The following ARHGAP35 variants were observed in gnomAD, a reference collection of about 807,000 sequenced individuals.
ARHGAP35 encodes the protein rho GTPase-activating protein 35.
ARHGAP35 carries 15 observed loss-of-function variants against 111.1 expected under a neutral mutation model. The observed-to-expected ratio is 0.13, with a 90% CI of 0.09 to 0.21. The LOEUF (loss-of-function observed/expected upper bound fraction) is 0.21, where lower values mean the gene tolerates loss of function less well. Ranked by LOEUF, ARHGAP35 falls within the 10% of genes least tolerant of loss-of-function variation. The probability of loss-of-function intolerance (pLI) is 1.00; values close to 1 mark genes in which losing one functional copy is unlikely to be tolerated. For synonymous variants in ARHGAP35, 643 were observed against 710.3 expected, an observed-to-expected ratio of 0.91 and a Z score of 1.51; for missense variants, 1,262 against 1,873.0, an observed-to-expected ratio of 0.67 and a Z score of 6.02.
chr19:46,925,721 A>C (rs147907364), intron 2 of ARHGAP35, among the ~76,000 whole-genome samples: 1 of 152,328 alleles, frequency 6.6e-6, no homozygotes, highest in East Asian at 1.9e-4. Flanking sequence ...TCTGGGCTAC[A>C]GTCAACTCCA....
At chr19:46,942,214 C>G (rs10403899) in intron 3 of ARHGAP35, among the ~76,000 whole-genome samples, 3,588 of 152,316 alleles carry the variant, frequency 0.024, 148 homozygotes, top group African/African-American at 0.081. Context: ...GTGAAAACCA[C>G]CGTTAATGAT....
In ARHGAP35 at chr19:46,923,920, C is replaced by CAA. The variant is rs34789986; in HGVS notation, c.3681+1575_3681+1576dup. 4.1e-4 allele frequency among the ~76,000 whole-genome samples: 46 copies of CAA among 112,148 alleles called. 1 individual carries two copies. The East Asian group carries it at 8.3e-3, about 20-fold the overall frequency. 73.6% of individuals were successfully genotyped at this position (112,148 alleles called of 152,430 possible). A position where few individuals can be genotyped will look rare whatever the true frequency, so the allele number is the denominator to read the frequency against. On this transcript the variant is annotated intron_variant, in intron 2 of 6. Transcript: ENST00000672722. ...TGGGCAACAGAGGGAGACTCTGTCT[C>CAA]AAAAAAAAAAAAGGAAAAAGGAAAA...
At chr19:46,904,935 T>G (rs2056098753) in intron 1 of ARHGAP35, among the ~76,000 whole-genome samples, 1 of 152,108 alleles carries the variant, frequency 6.6e-6, no homozygotes, top group Non-Finnish European at 1.5e-5. Flanking sequence ...GCCAGGGCAG[T>G]GCGGGGGAGT....
intron 3 of ARHGAP35, among the ~76,000 whole-genome samples, chr19:46,965,760 C>T (rs1252177479): frequency 6.6e-6 from 1 of 152,228 alleles, no homozygotes; most frequent in Non-Finnish European, 1.5e-5. Flanking sequence ...GCTGGGATTA[C>T]AGGCGTGAAC....
At chr19:46,950,872 G>A (rs1471744439) in intron 3 of ARHGAP35, among the ~76,000 whole-genome samples, 1 of 152,206 alleles carries the variant, frequency 6.6e-6, no homozygotes, top group African/African-American at 2.4e-5. Flanking sequence ...AGAGAAGTAG[G>A]TGTCAACAAG....
At chr19:46,888,369 A>T (rs2056006784) in intron 1 of ARHGAP35, among the ~76,000 whole-genome samples, 1 of 127,140 alleles carries the variant, frequency 7.9e-6, no homozygotes, top group South Asian at 2.5e-4. Context: ...CACACACCCC[A>T]CAACAAGAAG....
intron 2 of ARHGAP35, among the ~76,000 whole-genome samples, chr19:46,930,854 C>A (rs573606840): frequency 6.6e-6 from 1 of 151,650 alleles, no homozygotes; most frequent in African/African-American, 2.4e-5. Flanking sequence ...TCATTGAGGG[C>A]GGGAGACGAC....
rs567384845 is a variant in ARHGAP35 at position 46,889,980 on chromosome 19, A to G, written c.-188-28508A>G. ...TTAAGGGGTTGGGTCAGGGGTGTCTATGATGCTTTCAGAATGAGTATATGC... is the reference window on the plus strand; with the variant it reads ...TTAAGGGGTTGGGTCAGGGGTGTCTGTGATGCTTTCAGAATGAGTATATGC... On this transcript the variant is annotated intron_variant, in intron 1 of 6. Coordinates refer to ENST00000672722, the MANE Select transcript of ARHGAP35 (RefSeq NM_004491.5). Among the ~76,000 whole-genome samples, 161 of 152,292 alleles carry G rather than the reference A, an allele frequency of 1.1e-3. 1 individual carries two copies. The highest frequency in any genetic ancestry group is 3.6e-3 in the African/African-American group (150 of 41,538).
At chr19:46,895,090 A>G (rs2056046366) in intron 1 of ARHGAP35, among the ~76,000 whole-genome samples, 1 of 151,962 alleles carries the variant, frequency 6.6e-6, no homozygotes, top group Non-Finnish European at 1.5e-5. Context: ...TTTTAAAGGT[A>G]TACTTTCTGT....
At chr19:46,990,094 T>A (rs2056672098) in intron 5 of ARHGAP35, among the ~76,000 whole-genome samples, 1 of 152,240 alleles carries the variant, frequency 6.6e-6, no homozygotes, top group South Asian at 2.1e-4. Flanking sequence ...CTTATTTTTC[T>A]TTCCCCTCTT....
At chr19:46,875,915 TAAATGTTAACACC>T (rs899409988) in intron 1 of ARHGAP35, among the ~76,000 whole-genome samples, 1 of 152,116 alleles carries the variant, frequency 6.6e-6, no homozygotes, top group Non-Finnish European at 1.5e-5. Context: ...CTCATACACC[TAAATGTTAACACC>T]AGGTCATAGG....
At chr19:46,940,310 G>T (rs918921887) in intron 3 of ARHGAP35, among the ~76,000 whole-genome samples, 1 of 148,326 alleles carries the variant, frequency 6.7e-6, no homozygotes, top group Non-Finnish European at 1.5e-5. Context: ...GGTGAGCCAA[G>T]ATCGCACCAT....
intron 3 of ARHGAP35, among the ~76,000 whole-genome samples, chr19:46,961,942 GAGAA>G (rs2122272167): frequency 6.6e-6 from 1 of 151,698 alleles, no homozygotes; most frequent in African/African-American, 2.4e-5. Context: ...AAAAGAGAGA[GAGAA>G]AGAAAGAAAA....
chr19:46,917,156 C>T (rs2056168923), intron 1 of ARHGAP35, among the ~76,000 whole-genome samples: 1 of 152,148 alleles, frequency 6.6e-6, no homozygotes, highest in African/African-American at 2.4e-5. Flanking sequence ...CTTTCCCCAG[C>T]CCCTGACAAC....
chr19:46,996,811 C>A (rs1455390213), intron 5 of ARHGAP35, among the ~76,000 whole-genome samples: 1 of 152,190 alleles, frequency 6.6e-6, no homozygotes, highest in Admixed American at 6.5e-5. Context: ...TTTATGTAAA[C>A]ATTTTATTGT....
chr19:46,888,365 C>CACACACACA (rs1568461185), intron 1 of ARHGAP35, among the ~76,000 whole-genome samples: 1 of 127,446 alleles, frequency 7.8e-6, no homozygotes, highest in African/African-American at 2.9e-5. Flanking sequence ...CACACACACA[C>CACACACACA]CCCACAACAA....
chr19:46,960,840 A>T (rs2056477152), intron 3 of ARHGAP35, among the ~76,000 whole-genome samples: 1 of 150,866 alleles, frequency 6.6e-6, no homozygotes, highest in South Asian at 2.1e-4. Context: ...TTTTCCTATA[A>T]TGATGGGCAT....
rs1427696665 is a variant in ARHGAP35, at chr19:46,919,696, C to T, written c.1021C>T (p.Leu341=). 1.9e-6 allele frequency: 3 copies of T among 1,614,028 alleles called. No individual in the cohort carries two copies. In the Admixed American group the frequency reaches 5.0e-5, roughly 27 times the overall value. Residue 341 remains leucine, a synonymous_variant, in exon 2 of 7, where the codon CTG becomes TTG. Coordinates refer to ENST00000672722, the MANE Select transcript of ARHGAP35 (RefSeq NM_004491.5). This position sits in a 1 kb window ranked among gnomAD's most constrained non-coding sequence, Gnocchi z 6.2. ...EHIERRRKLY[L]AALPLAFEAL... is the part of the protein sequence containing the mutation. ...TATCGAGCGTAGGAGAAAGCTGTAC[C>T]TGGCAGCCCTGCCATTAGCTTTTGA...
Position 46,921,421 on chromosome 19 carries a change from G to T in ARHGAP35, c.2746G>T (p.Asp916Tyr). ...TEGEEIAQEI[D>Y]GRFTSIPCSQ... ...GGGGGAGGAGATTGCTCAAGAAATT[G>T]ACGGAAGGTTCACAAGCATCCCCTG... is the stretch of plus-strand genomic sequence containing the variant. The change falls in exon 2 of 7, where the codon GAC becomes TAC. Residue 916 changes from aspartate (D) to tyrosine (Y), a missense_variant. Coordinates refer to ENST00000672722, the MANE Select transcript of ARHGAP35 (RefSeq NM_004491.5). The surrounding 1 kb of genome is among the most constrained non-coding windows in gnomAD (Gnocchi z 4.3). The T allele has an allele frequency of 6.2e-7, 1 of 1,613,936 alleles. No individual in the cohort carries two copies.
Sources: gnomAD v4.1 joint callset for allele counts (sites outside exome capture counted in the v4.1 genomes callset) on GRCh38, gnomAD v4.1.1 for gene constraint, Gnocchi (gnomAD v3.1) non-coding constraint, MANE v1.5 for transcripts, NCBI Gene and HGNC (gene_info 2026-07-23, HGNC 2026-07-21) for gene names.